Variants in TMEM132D observed in about 807,000 individuals in gnomAD.
TMEM132D encodes the protein transmembrane protein 132D.
TMEM132D carries 21 observed loss-of-function variants against 62.3 expected under a neutral mutation model. The ratio of observed to expected loss-of-function variants is 0.34; its 90% CI spans 0.24 to 0.49. The LOEUF (loss-of-function observed/expected upper bound fraction) is 0.49, where lower values mean the gene tolerates loss of function less well. TMEM132D is among the 20% of genes least tolerant of loss of function. TMEM132D has a pLI of 0.99. For missense variants in TMEM132D, 1,346 were observed against 1,402.8 expected (o/e 0.96, Z 0.65); for synonymous variants, 621 against 575.6 (o/e 1.08, Z -1.13).
chr12:129,178,433 G>GTA (rs1419943354), intron 5 of TMEM132D, among the ~76,000 whole-genome samples: 3 of 140,944 alleles, frequency 2.1e-5, no homozygotes, highest in African/African-American at 7.9e-5. Context: ...ACCAGCATCT[G>GTA]TTTTTTTTTT....
At chr12:129,335,981 T>C (rs1047389662) in intron 4 of TMEM132D, among the ~76,000 whole-genome samples, 3 of 152,328 alleles carry the variant, frequency 2.0e-5, no homozygotes, top group Admixed American at 1.3e-4. Context: ...AGCAGCTATG[T>C]TGGACCATGA....
At chr12:129,753,365 T>A (rs1870062834) in intron 1 of TMEM132D, among the ~76,000 whole-genome samples, 2 of 152,240 alleles carry the variant, frequency 1.3e-5, no homozygotes, top group African/African-American at 4.8e-5. Flanking sequence ...GGCTCTTGCA[T>A]TATTCAGATC....
chr12:129,261,640 C>T (rs1880552478), intron 4 of TMEM132D, among the ~76,000 whole-genome samples: 2 of 152,130 alleles, frequency 1.3e-5, no homozygotes, highest in Non-Finnish European at 2.9e-5. Flanking sequence ...GTTGGAACTT[C>T]AAGATCAAGG....
chr12:129,225,337 C>T (rs1036439955), intron 4 of TMEM132D, among the ~76,000 whole-genome samples: 12 of 152,214 alleles, frequency 7.9e-5, no homozygotes, highest in Admixed American at 4.6e-4. Flanking sequence ...CCTGAGGGAT[C>T]TGAGTCCTAG....
chr12:129,384,522 T>G (rs1871048302), intron 3 of TMEM132D, among the ~76,000 whole-genome samples: 1 of 152,104 alleles, frequency 6.6e-6, no homozygotes, highest in Admixed American at 6.5e-5. Context: ...GTGCTTTTTT[T>G]TTTTGGCTCC....
In TMEM132D at chr12:129,842,569, A is replaced by T. The variant is rs1474742654; in HGVS notation, c.79+60692T>A. Among the ~76,000 whole-genome samples, 3 of 152,080 alleles carry T rather than the reference A, an allele frequency of 2.0e-5. No homozygotes were observed. The East Asian group carries it at 5.8e-4, about 30-fold the overall frequency. On this transcript the variant is annotated intron_variant, in intron 1 of 8. Transcript: ENST00000422113. ...CTGCAGCCTCAGCCTCCTGGGCTCA[A>T]GCACTCCTCCCACCTCAGACTCCTG...
intron 1 of TMEM132D, among the ~76,000 whole-genome samples, chr12:129,839,209 A>T (rs1873105793): frequency 7.3e-6 from 1 of 136,298 alleles, no homozygotes; most frequent in Non-Finnish European, 1.5e-5. Flanking sequence ...TCAGCCCCGC[A>T]ACCTTCGCCT....
At chr12:129,164,186 C>T (rs553619470) in intron 5 of TMEM132D, among the ~76,000 whole-genome samples, 1 of 152,296 alleles carries the variant, frequency 6.6e-6, no homozygotes, top group African/African-American at 2.4e-5. Flanking sequence ...ATAATCCAGC[C>T]CCAGGTTCTG....
At chr12:129,374,281 G>GAGAGAGAGAGAGAC (rs1870716570) in intron 3 of TMEM132D, among the ~76,000 whole-genome samples, 1 of 151,830 alleles carries the variant, frequency 6.6e-6, no homozygotes. Flanking sequence ...GAGAGAGAGA[G>GAGAGAGAGAGAGAC]AGAGAGAGAG....
chr12:129,239,068 C>T (rs1879864353), intron 4 of TMEM132D, among the ~76,000 whole-genome samples: 1 of 143,154 alleles, frequency 7.0e-6, no homozygotes, highest in South Asian at 2.2e-4. Context: ...TTTTGATTTG[C>T]TTTTCCCCAA....
intron 1 of TMEM132D, among the ~76,000 whole-genome samples, chr12:129,890,690 C>G (rs932746535): frequency 6.6e-6 from 1 of 152,160 alleles, no homozygotes; most frequent in Non-Finnish European, 1.5e-5. Context: ...ATACAGCTTG[C>G]CAGAGATATT....
chr12:129,389,652 C>G (rs1343256302), intron 3 of TMEM132D, among the ~76,000 whole-genome samples: 2 of 152,210 alleles, frequency 1.3e-5, no homozygotes, highest in South Asian at 4.1e-4. Context: ...CATGCCAGCA[C>G]TAATGCAAAT....
intron 2 of TMEM132D, among the ~76,000 whole-genome samples, chr12:129,550,517 C>T (rs12227620): frequency 0.19 from 28,915 of 152,136 alleles, 3,248 homozygotes; most frequent in East Asian, 0.46. Context: ...CACTTAGCAG[C>T]CCACATGCTC....
chr12:129,142,056 T>C (rs905110553), intron 5 of TMEM132D, among the ~76,000 whole-genome samples: 1 of 150,220 alleles, frequency 6.7e-6, no homozygotes, highest in Non-Finnish European at 1.5e-5. Flanking sequence ...TGGCCTGCAT[T>C]CTAGACTTTC....
At chr12:129,810,826 C>A (rs1001528745) in intron 1 of TMEM132D, among the ~76,000 whole-genome samples, 3 of 151,950 alleles carry the variant, frequency 2.0e-5, no homozygotes, top group Admixed American at 2.0e-4. Context: ...TGAGGAAAAT[C>A]AAAATTATTC....
chr12:129,198,341 A>T (rs1023554403), intron 5 of TMEM132D, among the ~76,000 whole-genome samples: 1 of 152,194 alleles, frequency 6.6e-6, no homozygotes, highest in African/African-American at 2.4e-5. Context: ...TGAAATTAAT[A>T]TGTGAAAGAG....
chr12:129,650,726 C>G (rs1181300927), intron 2 of TMEM132D, among the ~76,000 whole-genome samples: 3 of 152,150 alleles, frequency 2.0e-5, no homozygotes, highest in African/African-American at 7.2e-5. Context: ...CTTTGTTAAA[C>G]TGATCATCTC....
intron 3 of TMEM132D, among the ~76,000 whole-genome samples, chr12:129,445,357 G>A (rs1349049416): frequency 6.6e-6 from 1 of 152,006 alleles, no homozygotes; most frequent in Non-Finnish European, 1.5e-5. Flanking sequence ...TAACTAATGG[G>A]TACTAGGCTT....
At chr12:129,638,295 G>A (rs924603361) in intron 2 of TMEM132D, among the ~76,000 whole-genome samples, 4 of 152,080 alleles carry the variant, frequency 2.6e-5, no homozygotes, top group African/African-American at 7.3e-5. Context: ...CCTACTGGCT[G>A]ATAAAATCAC....
Sources: allele counts gnomAD v4.1 joint callset (sites outside exome capture counted in the v4.1 genomes callset), GRCh38; gene constraint gnomAD v4.1.1; transcripts MANE v1.5; gene names NCBI Gene and HGNC (gene_info 2026-07-23, HGNC 2026-07-21).